DAB1: variants seen among roughly 807,000 people sequenced by gnomAD.
The protein encoded by DAB1 is DAB adaptor protein 1.
DAB1 carries 15 observed loss-of-function variants against 64.6 expected under a neutral mutation model. The ratio of observed to expected loss-of-function variants is 0.23; its 90% CI spans 0.16 to 0.36. The LOEUF (loss-of-function observed/expected upper bound fraction) is 0.36. Among genes scored for constraint, DAB1 ranks in the 10% least tolerant of loss-of-function variants. The pLI is 1.00. For synonymous variants in DAB1, 235 were observed against 251.9 expected (o/e 0.93, Z 0.64); for missense variants, 596 against 706.7 (o/e 0.84, Z 1.78).
chr1:57,962,524 A>G (rs12239145), intron 5 of DAB1, among the ~76,000 whole-genome samples: 58,579 of 151,922 alleles, frequency 0.39, 12,846 homozygotes, highest in Admixed American at 0.51. Context: ...TGCCTAGCTC[A>G]TCACTGAAAT....
At chr1:58,126,472 A>G (rs542462951) in intron 5 of DAB1, among the ~76,000 whole-genome samples, 53 of 141,598 alleles carry the variant, frequency 3.7e-4, no homozygotes, top group African/African-American at 1.3e-3. Context: ...TTTTTTTATT[A>G]TACTTTAAGT....
At chr1:57,457,815 A>C (rs191624962) in intron 7 of DAB1, among the ~76,000 whole-genome samples, 6 of 152,306 alleles carry the variant, frequency 3.9e-5, no homozygotes, top group Admixed American at 2.0e-4. Context: ...GATGGAGGAC[A>C]GTAGAGAAAA....
chr1:57,872,572 C>T (rs1211891928), intron 1 of DAB1, among the ~76,000 whole-genome samples: 4 of 152,162 alleles, frequency 2.6e-5, no homozygotes, highest in Non-Finnish European at 4.4e-5. Context: ...GTGCTTGGTT[C>T]TTTGAATGCA....
At chr1:57,850,618 C>T (rs984753575) in intron 1 of DAB1, among the ~76,000 whole-genome samples, 13 of 152,156 alleles carry the variant, frequency 8.5e-5, no homozygotes, top group Non-Finnish European at 1.3e-4. Context: ...TGTGGAGTGG[C>T]CTGTGGGCTC....
At chr1:57,585,005 A>C (rs1431825049) in intron 7 of DAB1, among the ~76,000 whole-genome samples, 2 of 152,136 alleles carry the variant, frequency 1.3e-5, no homozygotes, top group Non-Finnish European at 2.9e-5. Context: ...TAATCCCAAC[A>C]CTTGGGAGGC....
chr1:58,150,908 G>A (rs886298876), intron 4 of DAB1, among the ~76,000 whole-genome samples: 17 of 151,798 alleles, frequency 1.1e-4, no homozygotes, highest in African/African-American at 4.1e-4. Context: ...AGTTCTCATT[G>A]TTCAATTCCC....
chr1:57,603,560 A>G (rs1448095749), intron 7 of DAB1, among the ~76,000 whole-genome samples: 1 of 152,198 alleles, frequency 6.6e-6, no homozygotes, highest in Non-Finnish European at 1.5e-5. Flanking sequence ...TCCCACAACC[A>G]TCATCCCAGG....
chr1:58,371,953 G>C (rs975011321), intron 3 of DAB1, among the ~76,000 whole-genome samples: 1 of 152,198 alleles, frequency 6.6e-6, no homozygotes, highest in African/African-American at 2.4e-5. Flanking sequence ...TGCTGCAGGG[G>C]CAGAGCCCTC....
chr1:57,184,813 CA>C (rs1263627957), intron 2 of DAB1, among the ~76,000 whole-genome samples: 1 of 152,116 alleles, frequency 6.6e-6, no homozygotes, highest in African/African-American at 2.4e-5. Context: ...GACGCTTTTT[CA>C]TGATGCATTT....
At chr1:57,955,160 C>T (rs964672243) in intron 5 of DAB1, among the ~76,000 whole-genome samples, 4 of 152,108 alleles carry the variant, frequency 2.6e-5, no homozygotes, top group African/African-American at 9.7e-5. Flanking sequence ...ATTTTTACCT[C>T]CATCTTGAAC....
At chr1:57,181,341 T>C (rs1331311128) in intron 2 of DAB1, among the ~76,000 whole-genome samples, 1 of 152,158 alleles carries the variant, frequency 6.6e-6, no homozygotes, top group Non-Finnish European at 1.5e-5. Context: ...AAAACTGAAA[T>C]TTAAGTCCTC....
chr1:58,021,670 G>T (rs1646816816), intron 5 of DAB1, among the ~76,000 whole-genome samples: 3 of 152,232 alleles, frequency 2.0e-5, no homozygotes, highest in Admixed American at 2.0e-4. Flanking sequence ...AGATGATGGT[G>T]ACAAGAGGGC....
intron 2 of DAB1, among the ~76,000 whole-genome samples, chr1:57,155,907 C>T (rs568669241): frequency 6.6e-6 from 1 of 152,156 alleles, no homozygotes; most frequent in East Asian, 1.9e-4. Flanking sequence ...TCAGTTCTAA[C>T]AGTTTTTTTG....
At chr1:58,483,891 T>C (rs1645531227) in intron 3 of DAB1, among the ~76,000 whole-genome samples, 1 of 152,226 alleles carries the variant, frequency 6.6e-6, no homozygotes, top group Non-Finnish European at 1.5e-5. Context: ...ATGGCTGCTA[T>C]ATCAGTGTAG....
chr1:57,323,189 G>A (rs989963936), intron 1 of DAB1, among the ~76,000 whole-genome samples: 8 of 152,154 alleles, frequency 5.3e-5, no homozygotes, highest in Admixed American at 3.9e-4. Context: ...GTATGTTGCC[G>A]GTTGAGCCCT....
chr1:57,418,517 C>T (rs1684663015), intron 1 of DAB1, among the ~76,000 whole-genome samples: 1 of 152,136 alleles, frequency 6.6e-6, no homozygotes, highest in African/African-American at 2.4e-5. Flanking sequence ...AGACTCACTA[C>T]AGGTGGTCAA....
intron 1 of DAB1, chr1:57,386,625 CAA>C (rs1475315065): frequency 1.3e-5 from 2 of 152,056 alleles, no homozygotes; most frequent in Non-Finnish European, 2.9e-5. Flanking sequence ...CTCAAAAGAT[CAA>C]AAGATTCACC....
intron 1 of DAB1, among the ~76,000 whole-genome samples, chr1:57,848,857 G>C (rs551909062): frequency 6.3e-4 from 96 of 152,210 alleles, no homozygotes; most frequent in Middle Eastern, 3.4e-3. Context: ...TTTTTCAAAG[G>C]GGGTGCTGAT....
intron 1 of DAB1, among the ~76,000 whole-genome samples, chr1:57,855,241 A>G (rs1383899235): frequency 2.0e-5 from 3 of 152,242 alleles, no homozygotes; most frequent in Non-Finnish European, 2.9e-5. Flanking sequence ...AACTCAACAC[A>G]TGATGCTTGG....
Sources: gnomAD v4.1 joint callset for allele counts (sites outside exome capture counted in the v4.1 genomes callset) on GRCh38, gnomAD v4.1.1 for gene constraint, MANE v1.5 for transcripts, NCBI Gene and HGNC (gene_info 2026-07-23, HGNC 2026-07-21) for gene names.